Variants in SYCP1 observed in about 807,000 individuals in gnomAD.
The protein encoded by SYCP1 is synaptonemal complex protein 1, also known as cancer/testis antigen 8.
A neutral mutation model predicts 153.1 loss-of-function variants in SYCP1; 64 were observed. The ratio of observed to expected loss-of-function variants is 0.42; its 90% confidence interval spans 0.34 to 0.51. The LOEUF is 0.51. SYCP1 is among the 20% of genes least tolerant of loss of function. SYCP1 has a pLI of 0.06. For missense variants in SYCP1, 997 were observed against 1,049.0 expected, an observed-to-expected ratio of 0.95 and a Z score of 0.68; for synonymous variants, 384 against 341.8, an observed-to-expected ratio of 1.12 and a Z score of -1.36.
intron 15 of SYCP1, among the ~76,000 whole-genome samples, chr1:114,889,784 A>G (rs1441811104): frequency 1.3e-5 from 2 of 152,132 alleles, no homozygotes; most frequent in African/African-American, 4.8e-5. Context: ...GCCCATGCCT[A>G]TGTCCTGAAT....
At chr1:114,963,965 G>A (rs920105292) in intron 27 of SYCP1, among the ~76,000 whole-genome samples, 1 of 152,154 alleles carries the variant, frequency 6.6e-6, no homozygotes, top group African/African-American at 2.4e-5. Flanking sequence ...TTCCACAATG[G>A]TTGAACTAAT....
intron 12 of SYCP1, among the ~76,000 whole-genome samples, chr1:114,882,873 T>C (rs1666051861): frequency 6.6e-6 from 1 of 152,186 alleles, no homozygotes; most frequent in Admixed American, 6.5e-5. Context: ...TGTGAGTTGG[T>C]TTACTTTTGT....
intron 12 of SYCP1, among the ~76,000 whole-genome samples, chr1:114,882,964 G>A (rs1367666103): frequency 6.6e-6 from 1 of 151,980 alleles, no homozygotes; most frequent in Non-Finnish European, 1.5e-5. Context: ...GTAATCTTTG[G>A]GTTTTCATAT....
intron 15 of SYCP1, among the ~76,000 whole-genome samples, chr1:114,889,820 G>A (rs1666580063): frequency 6.6e-6 from 1 of 152,030 alleles, no homozygotes; most frequent in African/African-American, 2.4e-5. Flanking sequence ...TTCTTCCAGG[G>A]TTTTTATGGT....
intron 27 of SYCP1, among the ~76,000 whole-genome samples, chr1:114,961,738 G>T (rs190947379): frequency 3.9e-5 from 6 of 152,170 alleles, no homozygotes; most frequent in Admixed American, 1.3e-4. Context: ...TTAATTCATT[G>T]AGACCTGTTT....
intron 27 of SYCP1, among the ~76,000 whole-genome samples, chr1:114,973,934 T>C (rs1482975394): frequency 1.3e-5 from 2 of 151,956 alleles, no homozygotes. Flanking sequence ...GCATTGCATA[T>C]TTTGATGAAT....
chr1:114,889,023 A>T (rs1666507945), intron 15 of SYCP1, among the ~76,000 whole-genome samples: 1 of 152,122 alleles, frequency 6.6e-6, no homozygotes, highest in African/African-American at 2.4e-5. Context: ...TGTCCTTGCA[A>T]AGGACATGAA....
chr1:114,951,406 C>T (rs527328506), intron 27 of SYCP1, among the ~76,000 whole-genome samples: 27 of 151,990 alleles, frequency 1.8e-4, no homozygotes, highest in East Asian at 3.9e-4. Context: ...TTGAATTTAT[C>T]GGAAAAAATA....
At chr1:114,915,095 A>C (rs941779134) in intron 20 of SYCP1, among the ~76,000 whole-genome samples, 1 of 152,128 alleles carries the variant, frequency 6.6e-6, no homozygotes, top group Non-Finnish European at 1.5e-5. Context: ...CTAAAAAAAA[A>C]ACAAACTAAA....
In SYCP1 at chr1:114,933,509, C is replaced by A. The variant is rs547667526; in HGVS notation, c.1926+6946C>A. On this transcript the variant is annotated intron_variant, in intron 23 of 31. Transcript: ENST00000369522. ...GTGCCTCTTCTCCTCCAAAGGAATG[C>A]AGCTCCTCGCCAGCAATGGAACAAA... is the stretch of plus-strand genomic sequence containing the variant. 3.9e-5 allele frequency among the ~76,000 whole-genome samples: 6 copies of A among 152,338 alleles called. No individual in the cohort carries two copies. In the South Asian group the frequency reaches 8.3e-4, roughly 21 times the overall value.
intron 30 of SYCP1, among the ~76,000 whole-genome samples, chr1:114,993,146 A>G (rs113697605): frequency 7.1e-4 from 108 of 151,708 alleles, no homozygotes; most frequent in African/African-American, 2.5e-3. Flanking sequence ...ACCTTGCACT[A>G]AGTAAAATTG....
chr1:114,994,912 A>C lies in SYCP1; in HGVS notation c.2824A>C (p.Thr942Pro), dbSNP rs1293896395. The change falls in exon 32 of 32, where the codon ACA becomes CCA. Residue 942 changes from threonine (T) to proline (P), a missense_variant. Transcript: ENST00000369522. ...TTCATCTCTAACAACCCCTGGATCT[A>C]CACTGAAGTTTGGAGCTATAAGAAA... ...APSSLTTPGS[T>P]LKFGAIRKMR... is the part of the protein sequence containing the mutation. 1.2e-6 allele frequency: 2 copies of C among 1,608,922 alleles called. No homozygotes were observed. The highest frequency in any genetic ancestry group is 3.4e-5 in the Admixed American group (2 of 59,488).
chr1:114,891,817 T>A (rs1666721394), intron 15 of SYCP1, among the ~76,000 whole-genome samples: 1 of 152,226 alleles, frequency 6.6e-6, no homozygotes, highest in Non-Finnish European at 1.5e-5. Flanking sequence ...TTATTTAGCC[T>A]TGGATATGTA....
intron 25 of SYCP1, among the ~76,000 whole-genome samples, chr1:114,945,791 T>TTA (rs1553200345): frequency 1.3e-5 from 2 of 151,518 alleles, no homozygotes; most frequent in Non-Finnish European, 1.5e-5. Context: ...TAATAATTTT[T>TTA]TTATTATACT....
At chr1:114,912,950 C>T (rs1478563251) in intron 18 of SYCP1, 83 bp from the exon 19 acceptor site, 1 of 907,660 alleles carries the variant, frequency 1.1e-6, no homozygotes, top group South Asian at 1.6e-5. Context: ...ATCCCTTTCC[C>T]CTATCATTAT....
chr1:114,972,770 T>G (rs1290831646), intron 27 of SYCP1, among the ~76,000 whole-genome samples: 1 of 152,194 alleles, frequency 6.6e-6, no homozygotes, highest in Non-Finnish European at 1.5e-5. Flanking sequence ...AGATACTTGA[T>G]GTGATTTCCA....
chr1:114,978,935 A>G (rs1672969632), intron 28 of SYCP1, among the ~76,000 whole-genome samples: 1 of 151,718 alleles, frequency 6.6e-6, no homozygotes, highest in South Asian at 2.1e-4. Flanking sequence ...TAAATTTAGA[A>G]TGTCTTCATA....
intron 8 of SYCP1, among the ~76,000 whole-genome samples, chr1:114,863,336 G>C (rs567642602): frequency 6.6e-6 from 1 of 152,048 alleles, no homozygotes. Flanking sequence ...GGCAGATCAC[G>C]AGGTCAAGAG....
At chr1:114,876,219 C>A in intron 10 of SYCP1, 81 bp downstream of exon 10, 1 of 880,618 alleles carries the variant, frequency 1.1e-6, no homozygotes, top group Non-Finnish European at 1.7e-6. Flanking sequence ...ATGTCTTCAT[C>A]TCTTTAGCCT....
Sources: gnomAD v4.1 joint callset for allele counts (sites outside exome capture counted in the v4.1 genomes callset) on GRCh38, gnomAD v4.1.1 for gene constraint, MANE v1.5 for transcripts, NCBI Gene and HGNC (gene_info 2026-07-23, HGNC 2026-07-21) for gene names.